The following CCNB3 variants were observed in gnomAD, a reference collection of about 807,000 sequenced individuals.
CCNB3 encodes the protein cyclin B3.
CCNB3 carries 12 observed loss-of-function variants against 68.0 expected under a neutral mutation model. The observed-to-expected ratio is 0.18, with a 90% CI of 0.11 to 0.29. The LOEUF (loss-of-function observed/expected upper bound fraction) is 0.29. CCNB3 is among the 10% of genes least tolerant of loss of function. CCNB3 has a pLI of 1.00. For synonymous variants in CCNB3, 354 were observed against 388.9 expected (o/e 0.91, Z 1.06); for missense variants, 904 against 993.1 (o/e 0.91, Z 1.21).
At chrX:50,227,442 A>T (rs917709887) in intron 1 of CCNB3, among the ~76,000 whole-genome samples, 1 of 88,561 alleles carries the variant, frequency 1.1e-5, no homozygotes, top group East Asian at 3.2e-4. Flanking sequence ...CAGAGAATAT[A>T]TACAAATATA....
chrX:50,319,904 A>G (rs1921928373), intron 8 of CCNB3, among the ~76,000 whole-genome samples: 3 of 111,520 alleles, frequency 2.7e-5, no homozygotes, highest in Non-Finnish European at 5.7e-5. Context: ...AGTAAGTTAA[A>G]TCAATTGATC....
At position 50,288,824 on chromosome X, in the gene CCNB3, G is replaced by T. The variant is rs1202062898; in HGVS notation, c.141G>T (p.Gln47His). Residue 47 changes from glutamine (Q) to histidine (H), a missense_variant, in exon 4 of 13, where the codon CAG becomes CAT. This residue lies in a region of CCNB3 where 619 missense variants were observed against 609.8 expected (regional missense o/e 1.02). Transcript: ENST00000376042. ...CQTKISPSSL[Q>H]ESPSSLQGAL... ...CGAAGATATCTCCATCTTCACTTCA[G>T]GAGTCTCCATCTTCACTTCAGGGAG... is the stretch of plus-strand genomic sequence containing the variant. The T allele has an allele frequency of 8.3e-7, 1 of 1,207,289 alleles. No individual in the cohort carries two copies. Among genetic ancestry groups the T allele is most frequent in the East Asian group, 3.0e-5 (1 of 33,682 alleles).
intron 8 of CCNB3, among the ~76,000 whole-genome samples, chrX:50,319,006 G>A (rs782366762): frequency 8.9e-6 from 1 of 111,800 alleles, no homozygotes; most frequent in South Asian, 3.8e-4. Flanking sequence ...GAGGAATTAA[G>A]TGCATCCTGA....
At position 50,310,128 on chromosome X, in the gene CCNB3, C is replaced by T. The variant is rs782057635; in HGVS notation, c.1959C>T (p.Ser653=). Residue 653 remains serine, a synonymous_variant, in exon 6 of 13, where the codon TCC becomes TCT. Coordinates refer to ENST00000376042, the MANE Select transcript of CCNB3 (RefSeq NM_033031.3). ...KEKHTTLQEV[S]LSKESLAIQE... is the part of the protein sequence containing the mutation. Reference sequence around the variant, plus strand: ...AGCATACCACCTTGCAGGAAGTGTCCCTCTCAAAAGAGTCATTGGCCATCC... The same window carrying T: ...AGCATACCACCTTGCAGGAAGTGTCTCTCTCAAAAGAGTCATTGGCCATCC... The T allele has an allele frequency of 3.3e-6, 4 of 1,209,492 alleles. No homozygotes were observed. The African/African-American group carries it at 7.0e-5, about 21-fold the overall frequency.
chrX:50,286,137 A>G (rs1936229051), intron 3 of CCNB3, among the ~76,000 whole-genome samples: 1 of 112,210 alleles, frequency 8.9e-6, no homozygotes, highest in African/African-American at 3.2e-5. Flanking sequence ...GTAATATTAA[A>G]TAGGAATTGG....
chrX:50,226,998 A>AGT (rs1935858583), intron 1 of CCNB3, among the ~76,000 whole-genome samples: 2 of 74,143 alleles, frequency 2.7e-5, no homozygotes, highest in East Asian at 3.8e-4. Context: ...AGAATATATA[A>AGT]ATATATAGAA....
rs782736600 is a variant in CCNB3 at position 50,295,065 on chromosome X, GAAC to G, written c.335+74_335+76del. The G allele has an allele frequency of 1.7e-4, 179 of 1,063,341 alleles. No homozygotes were observed. In the African/African-American group the frequency reaches 3.0e-3, roughly 18 times the overall value. The allele number at this position is 1,063,341 out of a possible 1,213,427, so 87.6% of individuals were successfully genotyped here. A position where few individuals can be genotyped will look rare whatever the true frequency, so the allele number is the denominator to read the frequency against. On this transcript the variant is annotated intron_variant, in intron 5 of 12. Coordinates refer to ENST00000376042, the MANE Select transcript of CCNB3 (RefSeq NM_033031.3). ...TGTGACATCCTTTTGTCCCCATTGA[GAAC>G]ATATTTAGCAAGCCACAATGGTGAC...
chrX:50,228,024 G>T (rs1160882221), intron 1 of CCNB3, among the ~76,000 whole-genome samples: 2 of 64,567 alleles, frequency 3.1e-5, no homozygotes, highest in Non-Finnish European at 2.8e-5. Flanking sequence ...TATATAGAGA[G>T]AATATATATA....
intron 1 of CCNB3, among the ~76,000 whole-genome samples, chrX:50,225,528 G>A (rs1473120984): frequency 9.0e-6 from 1 of 110,556 alleles, no homozygotes; most frequent in African/African-American, 3.3e-5. Context: ...TGTTGTATTT[G>A]TATCAGAGAA....
chrX:50,331,596 C>T (rs1557218064), intron 8 of CCNB3, among the ~76,000 whole-genome samples: 1 of 111,652 alleles, frequency 9.0e-6, no homozygotes, highest in Non-Finnish European at 1.9e-5. Context: ...TCAGGCTTGC[C>T]ATGGCCATTG....
intron 1 of CCNB3, among the ~76,000 whole-genome samples, chrX:50,219,410 C>T (rs1221289421): frequency 1.3e-4 from 14 of 111,109 alleles, no homozygotes; most frequent in Admixed American, 5.8e-4. Context: ...TTAGGTCTTA[C>T]GTTTAAGTCT....
At chrX:50,331,788 C>T (rs188201548) in intron 8 of CCNB3, among the ~76,000 whole-genome samples, 3 of 111,714 alleles carry the variant, frequency 2.7e-5, no homozygotes, top group Admixed American at 1.9e-4. Context: ...AACTTCTCCT[C>T]GAACTAAGAT....
chrX:50,280,966 G>A (rs1347012977), intron 1 of CCNB3, among the ~76,000 whole-genome samples: 2 of 109,427 alleles, frequency 1.8e-5, no homozygotes, highest in Non-Finnish European at 3.8e-5. Context: ...TTTCCATGTT[G>A]CCCAGGCTCA....
intron 11 of CCNB3, among the ~76,000 whole-genome samples, chrX:50,348,988 G>A (rs1557220774): frequency 8.9e-6 from 1 of 112,878 alleles, no homozygotes; most frequent in African/African-American, 3.2e-5. Context: ...ATATTTCAGT[G>A]TTTTCACACT....
In CCNB3 at chrX:50,343,764, A is replaced by G. The variant is rs782560860; in HGVS notation, c.3654+1425A>G. Among the ~76,000 whole-genome samples, 11 of 112,515 alleles carry G rather than the reference A, an allele frequency of 9.8e-5. No individual in the cohort carries two copies. The South Asian group carries it at 4.1e-3, about 42-fold the overall frequency. On this transcript the variant is annotated intron_variant, in intron 9 of 12. Transcript: ENST00000376042. ...TAATAAGGATATAAAGAAAGCAAAT[A>G]TTTTTATACAGCTTTATACTGTGTT...
At chrX:50,207,329 C>T (rs782545641) in intron 1 of CCNB3, among the ~76,000 whole-genome samples, 1 of 111,557 alleles carries the variant, frequency 9.0e-6, no homozygotes, top group South Asian at 3.8e-4. Flanking sequence ...AACAGTTTTA[C>T]ATTCACCTAG....
intron 1 of CCNB3, among the ~76,000 whole-genome samples, chrX:50,220,021 C>A (rs1302961814): frequency 2.7e-5 from 3 of 111,078 alleles, no homozygotes; most frequent in Non-Finnish European, 5.7e-5. Flanking sequence ...GAATTTTATT[C>A]TCTTTGTAGC....
Position 50,280,172 on chromosome X carries a change from AAT to A in CCNB3, c.-112-4360_-112-4359del, listed in dbSNP as rs1402364384. ...ATAGAATATATATAAATATATATAG[AAT>A]ATATATATAAATATATATAGAACAT... On this transcript the variant is annotated intron_variant, in intron 1 of 12. Transcript: ENST00000376042. 6.6e-3 allele frequency among the ~76,000 whole-genome samples: 322 copies of A among 48,864 alleles called. 1 individual carries two copies. Among genetic ancestry groups the A allele is most frequent in the African/African-American group, 0.018 (292 of 15,820 alleles). 42.4% of individuals were successfully genotyped at this position (48,864 alleles called of 115,157 possible). A position where few individuals can be genotyped will look rare whatever the true frequency, so the allele number is the denominator to read the frequency against.
intron 8 of CCNB3, among the ~76,000 whole-genome samples, chrX:50,340,757 G>T (rs1923081337): frequency 8.9e-6 from 1 of 111,791 alleles, no homozygotes; most frequent in South Asian, 3.8e-4. Flanking sequence ...CACAAACCAT[G>T]GGACTAGGGC....
Sources: gnomAD v4.1 joint callset for allele counts (sites outside exome capture counted in the v4.1 genomes callset) on GRCh38, gnomAD v4.1.1 for gene constraint, gnomAD v4.1.1 regional missense constraint, MANE v1.5 for transcripts, NCBI Gene and HGNC (gene_info 2026-07-23, HGNC 2026-07-21) for gene names.